Variants in ZRANB3 observed in about 807,000 individuals in gnomAD.
ZRANB3 encodes zinc finger RANBP2-type containing 3.
In ZRANB3, 125 loss-of-function variants were observed where a neutral mutation model predicts 133.8. The observed-to-expected ratio is 0.93, with a 90% CI of 0.81 to 1.08. The LOEUF is 1.08. Ranked by LOEUF, ZRANB3 falls within the 50% of genes least tolerant of loss-of-function variation. ZRANB3 has a pLI of 0.00. For missense variants in ZRANB3, 1,229 were observed against 1,275.5 expected, an observed-to-expected ratio of 0.96 and a Z score of 0.56; for synonymous variants, 387 against 432.7, an observed-to-expected ratio of 0.89 and a Z score of 1.31.
At chr2:135,509,563 A>G (rs1574227861) in intron 1 of ZRANB3, among the ~76,000 whole-genome samples, 1 of 152,298 alleles carries the variant, frequency 6.6e-6, no homozygotes, top group South Asian at 2.1e-4. Flanking sequence ...CCAAGACTAA[A>G]ATCAAAGATA....
At chr2:135,299,998 T>G (rs755455268) in intron 8 of ZRANB3, among the ~76,000 whole-genome samples, 1 of 152,146 alleles carries the variant, frequency 6.6e-6, no homozygotes, top group African/African-American at 2.4e-5. Context: ...ACCCATTTGT[T>G]TGGAAGGCTT....
intron 8 of ZRANB3, among the ~76,000 whole-genome samples, chr2:135,297,818 T>G (rs1299559101): frequency 1.3e-5 from 2 of 152,380 alleles, no homozygotes; most frequent in African/African-American, 2.4e-5. Context: ...TTGTTGTAAG[T>G]TTACAGTGTA....
At chr2:135,275,161 G>A (rs1460604880) in intron 9 of ZRANB3, among the ~76,000 whole-genome samples, 4 of 149,442 alleles carry the variant, frequency 2.7e-5, no homozygotes, top group African/African-American at 2.5e-5. Context: ...ACGGGGTGGC[G>A]GCTGGGCAGA....
At chr2:135,218,385 C>A (rs375505286) in intron 16 of ZRANB3, among the ~76,000 whole-genome samples, 1 of 152,106 alleles carries the variant, frequency 6.6e-6, no homozygotes, top group Admixed American at 6.5e-5. Flanking sequence ...GTCAAGTATA[C>A]ACAACTGGCT....
intron 18 of ZRANB3, among the ~76,000 whole-genome samples, chr2:135,208,416 T>C (rs1693968471): frequency 6.6e-6 from 1 of 152,214 alleles, no homozygotes. Context: ...CAAAACATGA[T>C]AGGATATGTG....
intron 12 of ZRANB3, among the ~76,000 whole-genome samples, chr2:135,242,052 G>A (rs1010504917): frequency 3.3e-5 from 5 of 152,004 alleles, no homozygotes; most frequent in African/African-American, 7.2e-5. Context: ...TGGTGCGCAC[G>A]CCTGTAATTC....
intron 2 of ZRANB3, among the ~76,000 whole-genome samples, chr2:135,421,915 A>G (rs1218283119): frequency 1.3e-5 from 2 of 148,638 alleles, no homozygotes; most frequent in South Asian, 2.1e-4. Flanking sequence ...TGCTTTCTAA[A>G]AGAATGTTTC....
intron 12 of ZRANB3, 140 bp from the exon 13 acceptor site, chr2:135,231,067 C>G (rs553440134): frequency 3.2e-6 from 2 of 620,318 alleles, no homozygotes. Context: ...TCATTATGCT[C>G]TGACTCTTCA....
chr2:135,416,368 A>T (rs1390389999), intron 2 of ZRANB3, among the ~76,000 whole-genome samples: 14 of 152,190 alleles, frequency 9.2e-5, no homozygotes, highest in Non-Finnish European at 1.5e-4. Context: ...ATTGCTTCAA[A>T]GAGAATAAAA....
intron 8 of ZRANB3, among the ~76,000 whole-genome samples, chr2:135,304,700 T>C (rs1682591156): frequency 6.6e-6 from 1 of 152,092 alleles, no homozygotes; most frequent in African/African-American, 2.4e-5. Flanking sequence ...TTATTATGAA[T>C]TAAATTTTTC....
chr2:135,530,691 C>T (rs1408790951), intron 1 of ZRANB3: 3 of 152,240 alleles, frequency 2.0e-5, no homozygotes, highest in Non-Finnish European at 4.4e-5. Context: ...TCCGGCTACC[C>T]TTCTTCCATC....
intron 4 of ZRANB3, 63 bp downstream of exon 4, chr2:135,353,387 G>T: frequency 1.7e-6 from 2 of 1,176,382 alleles, no homozygotes; most frequent in Non-Finnish European, 2.3e-6. Context: ...TCTAAAACAT[G>T]AATATATACC....
At chr2:135,407,513 A>C (rs1688096569) in intron 2 of ZRANB3, among the ~76,000 whole-genome samples, 1 of 146,214 alleles carries the variant, frequency 6.8e-6, no homozygotes, top group Non-Finnish European at 1.5e-5. Context: ...CCGCATCGCC[A>C]AGTCAATCCT....
At chr2:135,311,709 C>T (rs1682986734) in intron 8 of ZRANB3, among the ~76,000 whole-genome samples, 1 of 152,066 alleles carries the variant, frequency 6.6e-6, no homozygotes, top group African/African-American at 2.4e-5. Context: ...ATGATTGTGG[C>T]ACTGCACTTT....
At chr2:135,277,279 AG>A (rs1405420767) in intron 8 of ZRANB3, among the ~76,000 whole-genome samples, 1 of 152,206 alleles carries the variant, frequency 6.6e-6, no homozygotes, top group African/African-American at 2.4e-5. Flanking sequence ...TACTGCTATC[AG>A]GGGTTTCCCA....
chr2:135,381,659 C>T (rs149176403), intron 3 of ZRANB3, among the ~76,000 whole-genome samples: 2,308 of 152,248 alleles, frequency 0.015, 49 homozygotes, highest in African/African-American at 0.051. Flanking sequence ...TCCAGAGGAA[C>T]GATCAGGCAG....
chr2:135,370,631 CA>C (rs1160759512), intron 3 of ZRANB3, among the ~76,000 whole-genome samples: 4 of 152,104 alleles, frequency 2.6e-5, no homozygotes, highest in Non-Finnish European at 4.4e-5. Flanking sequence ...TAAAATGTTT[CA>C]GTACAAAGAG....
At chr2:135,366,386 A>G (rs1326900837) in intron 3 of ZRANB3, among the ~76,000 whole-genome samples, 1 of 152,210 alleles carries the variant, frequency 6.6e-6, no homozygotes, top group Non-Finnish European at 1.5e-5. Flanking sequence ...GAAATAAGCA[A>G]GAGGAAAACA....
At position 135,202,817 on chromosome 2, in the gene ZRANB3, G is replaced by T; in HGVS notation, c.3141+15C>A. 6.2e-7 allele frequency: 1 copy of T among 1,600,476 alleles called. No homozygotes were observed. Among genetic ancestry groups the T allele is most frequent in the South Asian group, 1.1e-5 (1 of 88,222 alleles). ...TCTCAGGATGCAGTCAAAGCTATAT[G>T]AGAGCTTCACTGACCTCTTTGTGAC... On this transcript the variant is annotated intron_variant, in intron 20 of 20. Transcript: ENST00000264159.
Sources: allele counts gnomAD v4.1 joint callset (sites outside exome capture counted in the v4.1 genomes callset), GRCh38; gene constraint gnomAD v4.1.1; transcripts MANE v1.5; gene names NCBI Gene and HGNC (gene_info 2026-07-23, HGNC 2026-07-21).